The following FAM110B variants were observed in gnomAD, a reference collection of about 807,000 sequenced individuals.
FAM110B encodes family with sequence similarity 110 member B.
In FAM110B, 6 loss-of-function variants were observed where a neutral mutation model predicts 20.4. The ratio of observed to expected loss-of-function variants is 0.29; its 90% CI spans 0.16 to 0.58. FAM110B has a LOEUF of 0.58. FAM110B is among the 20% of genes least tolerant of loss of function. The pLI is 0.90. For synonymous variants in FAM110B, 226 were observed against 214.1 expected (o/e 1.06, Z -0.49); for missense variants, 434 against 498.2 (o/e 0.87, Z 1.23).
intron 2 of FAM110B, among the ~76,000 whole-genome samples, chr8:58,035,822 T>G (rs1342636763): frequency 6.6e-6 from 1 of 152,168 alleles, no homozygotes; most frequent in Non-Finnish European, 1.5e-5. Flanking sequence ...CTATGCTAAG[T>G]TTAGGATGCC....
chr8:58,135,079 A>G (rs1405608748), intron 3 of FAM110B, among the ~76,000 whole-genome samples: 1 of 152,228 alleles, frequency 6.6e-6, no homozygotes, highest in Non-Finnish European at 1.5e-5. Flanking sequence ...CAACACTGTG[A>G]TAAGGTGGGG....
intron 1 of FAM110B, among the ~76,000 whole-genome samples, chr8:58,028,560 T>C (rs2150572007): frequency 1.3e-5 from 2 of 152,350 alleles, no homozygotes; most frequent in South Asian, 4.1e-4. Flanking sequence ...TTGAAATGTG[T>C]TGGAATGGAC....
chr8:58,025,629 A>C (rs1387497689), intron 1 of FAM110B, among the ~76,000 whole-genome samples: 1 of 152,176 alleles, frequency 6.6e-6, no homozygotes. Flanking sequence ...GTGTTGGGAG[A>C]CAGGTTGTGA....
At chr8:58,142,641 C>T (rs1176535177) in intron 3 of FAM110B, among the ~76,000 whole-genome samples, 1 of 152,072 alleles carries the variant, frequency 6.6e-6, no homozygotes, top group East Asian at 1.9e-4. Flanking sequence ...CCATTAGCAC[C>T]TTGGCTCTGC....
intron 2 of FAM110B, among the ~76,000 whole-genome samples, chr8:58,046,565 A>T (rs1172470497): frequency 1.3e-5 from 2 of 152,226 alleles, no homozygotes; most frequent in African/African-American, 2.4e-5. Context: ...CAAACCTGAG[A>T]TAACCAGAAA....
intron 2 of FAM110B, among the ~76,000 whole-genome samples, chr8:58,063,388 C>A (rs543399775): frequency 6.6e-6 from 1 of 152,132 alleles, no homozygotes; most frequent in Admixed American, 6.5e-5. Context: ...TTGCCTCAGA[C>A]CTTTCCTATG....
intron 1 of FAM110B, among the ~76,000 whole-genome samples, chr8:58,014,216 G>C (rs2150566933): frequency 6.6e-6 from 1 of 152,248 alleles, no homozygotes; most frequent in Admixed American, 6.5e-5. Context: ...GCCTCCCTCT[G>C]CCTAGCGGGA....
chr8:58,091,443 C>T (rs73241727), intron 3 of FAM110B: 2,490 of 152,242 alleles, frequency 0.016, 48 homozygotes, highest in African/African-American at 0.041. Context: ...CCCTGCTGGA[C>T]GGCAGGCACT....
intron 2 of FAM110B, among the ~76,000 whole-genome samples, chr8:58,067,273 T>C (rs1805791594): frequency 1.3e-5 from 2 of 152,202 alleles, no homozygotes; most frequent in South Asian, 4.1e-4. Flanking sequence ...CTGCTCCTCC[T>C]TGCCAGTACA....
At chr8:58,092,415 G>A (rs2150604332) in intron 3 of FAM110B, among the ~76,000 whole-genome samples, 1 of 152,068 alleles carries the variant, frequency 6.6e-6, no homozygotes, top group South Asian at 2.1e-4. Context: ...CCCCCGACAG[G>A]CCATGGTGTG....
At chr8:58,117,995 A>G (rs186716433) in intron 3 of FAM110B, among the ~76,000 whole-genome samples, 8 of 152,340 alleles carry the variant, frequency 5.3e-5, no homozygotes, top group Non-Finnish European at 1.0e-4. Context: ...CTGTCAAATC[A>G]GCTTCCAGAA....
rs1269369321 is a variant in FAM110B at position 58,146,404 on chromosome 8, G to A, written c.174G>A (p.Lys58=). Residue 58 remains lysine, a synonymous_variant, in exon 4 of 4, where the codon AAG becomes AAA. Transcript: ENST00000519262. ...CCGTGGAGAGGCTGGAGGCCGACAA[G>A]GCCAAGTACGTCAAGAGCCAGGAGG... ...LSAVERLEAD[K]AKYVKSQEVI... The A allele has an allele frequency of 6.2e-7, 1 of 1,614,042 alleles. No individual in the cohort carries two copies. The highest frequency in any genetic ancestry group is 1.1e-5 in the South Asian group (1 of 91,086).
At chr8:58,006,900 G>GGT (rs1804414870) in intron 1 of FAM110B, among the ~76,000 whole-genome samples, 2 of 40,548 alleles carry the variant, frequency 4.9e-5, no homozygotes, top group African/African-American at 1.6e-4. Context: ...TGGCTTAATT[G>GGT]GTATATATAT....
At chr8:58,099,760 CTA>C (rs1037270104) in intron 3 of FAM110B, among the ~76,000 whole-genome samples, 1 of 150,142 alleles carries the variant, frequency 6.7e-6, no homozygotes, top group Non-Finnish European at 1.5e-5. Flanking sequence ...TAGATCTCAC[CTA>C]TGTCTTTTTT....
intron 2 of FAM110B, among the ~76,000 whole-genome samples, chr8:58,072,841 T>G (rs996778183): frequency 6.6e-6 from 1 of 152,176 alleles, no homozygotes; most frequent in Non-Finnish European, 1.5e-5. Flanking sequence ...ATGAAAAATA[T>G]GATGTGCCGC....
At chr8:58,014,692 A>G (rs1563497310) in intron 1 of FAM110B, among the ~76,000 whole-genome samples, 2 of 152,070 alleles carry the variant, frequency 1.3e-5, no homozygotes, top group African/African-American at 4.8e-5. Context: ...GTTTTCCCTA[A>G]CTGCTTTGCA....
intron 3 of FAM110B, among the ~76,000 whole-genome samples, chr8:58,076,461 T>C (rs1306964020): frequency 6.6e-6 from 1 of 152,158 alleles, no homozygotes; most frequent in Non-Finnish European, 1.5e-5. Context: ...CCAGCAGGCC[T>C]GGGAATGGCA....
At position 58,099,922 on chromosome 8, in the gene FAM110B, T is replaced by C. The variant is rs115566021; in HGVS notation, c.-325+24299T>C. 2.7e-3 allele frequency among the ~76,000 whole-genome samples: 409 copies of C among 152,304 alleles called. 4 individuals are homozygous for C. Among genetic ancestry groups the C allele is most frequent in the African/African-American group, 9.5e-3 (394 of 41,564 alleles). ...GATTTCAGTCACTCTCTTCAGTCTC[T>C]CCTTACCAACTGCGGGCTCAGCATC... On this transcript the variant is annotated intron_variant, in intron 3 of 3. Coordinates refer to ENST00000519262, the MANE Select transcript of FAM110B (RefSeq NM_001377989.1).
intron 3 of FAM110B, among the ~76,000 whole-genome samples, chr8:58,094,129 C>T (rs1214710546): frequency 6.6e-6 from 1 of 152,186 alleles, no homozygotes; most frequent in Admixed American, 6.5e-5. Flanking sequence ...AGTGGCTTAT[C>T]ATCTTAAGGA....
Sources: gnomAD v4.1 joint callset for allele counts (sites outside exome capture counted in the v4.1 genomes callset) on GRCh38, gnomAD v4.1.1 for gene constraint, MANE v1.5 for transcripts, NCBI Gene and HGNC (gene_info 2026-07-23, HGNC 2026-07-21) for gene names.